RBM20: variants seen among roughly 807,000 people sequenced by gnomAD.
RBM20 encodes the protein RNA-binding protein 20.
A neutral mutation model predicts 110.1 loss-of-function variants in RBM20; 51 were observed. The observed-to-expected ratio is 0.46, with a 90% CI of 0.37 to 0.59. The LOEUF (loss-of-function observed/expected upper bound fraction) is 0.59, where lower values mean the gene tolerates loss of function less well. Among genes scored for constraint, RBM20 ranks in the 20% least tolerant of loss-of-function variants. RBM20 has a pLI of 0.00. For missense variants in RBM20, 1,512 were observed against 1,574.9 expected (o/e 0.96, Z 0.68); for synonymous variants, 589 against 618.2 (o/e 0.95, Z 0.70).
chr10:110,743,686 A>G (rs907679300), intron 1 of RBM20, among the ~76,000 whole-genome samples: 2 of 152,152 alleles, frequency 1.3e-5, no homozygotes, highest in Non-Finnish European at 2.9e-5. Flanking sequence ...GCACAAACTC[A>G]GCTCACTGCA....
intron 1 of RBM20, among the ~76,000 whole-genome samples, chr10:110,733,388 C>T (rs915894077): frequency 6.6e-6 from 1 of 152,284 alleles, no homozygotes; most frequent in Non-Finnish European, 1.5e-5. Flanking sequence ...GGTATAGAGC[C>T]GGGTGTATGG....
intron 1 of RBM20, among the ~76,000 whole-genome samples, chr10:110,708,742 G>A (rs918836406): frequency 6.6e-6 from 1 of 152,192 alleles, no homozygotes; most frequent in African/African-American, 2.4e-5. Flanking sequence ...AAACAATAAA[G>A]AATTTTTTGA....
chr10:110,716,639 C>T (rs147648717), intron 1 of RBM20, among the ~76,000 whole-genome samples: 2,420 of 152,024 alleles, frequency 0.016, 69 homozygotes, highest in African/African-American at 0.056. Flanking sequence ...TATGGCTGGG[C>T]GTGGTGGCTG....
chr10:110,665,915 A>G lies in RBM20; in HGVS notation c.191+21270A>G, dbSNP rs187509086. Among the ~76,000 whole-genome samples the G allele has an allele frequency of 4.6e-5, 7 of 152,108 alleles. No individual in the cohort carries two copies. The East Asian group carries it at 1.4e-3, about 29-fold the overall frequency. ...CAGATCACTTGAATCCAGGGGTTCG[A>G]GACCAGCCTGGACAACATGGTGAAA... On this transcript the variant is annotated intron_variant, in intron 1 of 13. Coordinates refer to ENST00000369519, the MANE Select transcript of RBM20 (RefSeq NM_001134363.3).
At chr10:110,721,912 A>G (rs1419503341) in intron 1 of RBM20, among the ~76,000 whole-genome samples, 1 of 150,856 alleles carries the variant, frequency 6.6e-6, no homozygotes, top group African/African-American at 2.5e-5. Context: ...TGGGTATTAG[A>G]ACAAGGCATA....
At chr10:110,826,583 C>CTTT (rs35918856) in intron 12 of RBM20, among the ~76,000 whole-genome samples, 1 of 140,928 alleles carries the variant, frequency 7.1e-6, no homozygotes, top group Non-Finnish European at 1.5e-5. Flanking sequence ...CATTCTTCTT[C>CTTT]TTTTTTTTTT....
chr10:110,837,943 C>A lies in RBM20; in HGVS notation c.*1965C>A, dbSNP rs971840965. 3 of 151,954 alleles carry A rather than the reference C, an allele frequency of 2.0e-5. No individual in the cohort carries two copies. Among genetic ancestry groups the A allele is most frequent in the Non-Finnish European group, 4.4e-5 (3 of 68,012 alleles). 9.4% of individuals were successfully genotyped at this position (151,954 alleles called of 1,614,324 possible). Reference sequence around the variant, plus strand: ...TTTGGACTGAGCTCCTGCAATAGGCCCAACAGACCAAAACAAAAGGGAGTC... The same window carrying A: ...TTTGGACTGAGCTCCTGCAATAGGCACAACAGACCAAAACAAAAGGGAGTC... On this transcript the variant is annotated 3_prime_UTR_variant, in exon 14 of 14. Coordinates refer to ENST00000369519, the MANE Select transcript of RBM20 (RefSeq NM_001134363.3).
At position 110,739,964 on chromosome 10, in the gene RBM20, C is replaced by A. The variant is rs1285193011; in HGVS notation, c.192-40837C>A. On this transcript the variant is annotated intron_variant, in intron 1 of 13. Coordinates refer to ENST00000369519, the MANE Select transcript of RBM20 (RefSeq NM_001134363.3). The surrounding 1 kb of genome is among the most constrained non-coding windows in gnomAD (Gnocchi z 4.1). ...AGCCCCACTATACTGTCTCCCTCTC[C>A]CTCCTTCTCCAAGTGCCCAGACCTG... 4.6e-5 allele frequency among the ~76,000 whole-genome samples: 7 copies of A among 152,250 alleles called. No individual in the cohort carries two copies. Among genetic ancestry groups the A allele is most frequent in the African/African-American group, 1.7e-4 (7 of 41,472 alleles).
At chr10:110,714,859 C>T (rs1398594759) in intron 1 of RBM20, among the ~76,000 whole-genome samples, 1 of 152,170 alleles carries the variant, frequency 6.6e-6, no homozygotes, top group Non-Finnish European at 1.5e-5. Context: ...TCCTGGTCTT[C>T]AAGTCACTTG....
At chr10:110,706,654 G>C (rs1382919901) in intron 1 of RBM20, among the ~76,000 whole-genome samples, 2 of 152,208 alleles carry the variant, frequency 1.3e-5, no homozygotes, top group Non-Finnish European at 2.9e-5. Flanking sequence ...TTTCAGGACG[G>C]AGTGGTGGGC....
intron 1 of RBM20, among the ~76,000 whole-genome samples, chr10:110,667,834 C>T (rs1369329869): frequency 6.6e-6 from 1 of 152,114 alleles, no homozygotes; most frequent in African/African-American, 2.4e-5. Context: ...TTCCTGGGCC[C>T]CTGGTGTCCT....
intron 1 of RBM20, among the ~76,000 whole-genome samples, chr10:110,708,794 G>A (rs1407967519): frequency 1.3e-5 from 2 of 152,178 alleles, no homozygotes; most frequent in African/African-American, 2.4e-5. Flanking sequence ...TGGTGTTGGG[G>A]CATTGAGGAT....
At chr10:110,813,999 C>T (rs1328768195) in intron 9 of RBM20, among the ~76,000 whole-genome samples, 2 of 152,132 alleles carry the variant, frequency 1.3e-5, no homozygotes, top group Non-Finnish European at 2.9e-5. Flanking sequence ...TCCTTCTTGC[C>T]AGAGCCTTCT....
At chr10:110,721,887 A>T (rs989346886) in intron 1 of RBM20, among the ~76,000 whole-genome samples, 1 of 151,952 alleles carries the variant, frequency 6.6e-6, no homozygotes, top group African/African-American at 2.4e-5. Flanking sequence ...CTCTGGGGGG[A>T]TGCATCCAAG....
At chr10:110,774,329 T>C (rs914447793) in intron 1 of RBM20, among the ~76,000 whole-genome samples, 2 of 152,238 alleles carry the variant, frequency 1.3e-5, no homozygotes, top group African/African-American at 4.8e-5. Flanking sequence ...AATCATCATA[T>C]GGTAATGTCA....
intron 1 of RBM20, among the ~76,000 whole-genome samples, chr10:110,753,960 C>A (rs1315048450): frequency 6.6e-6 from 1 of 152,068 alleles, no homozygotes. Context: ...TCTGACTGCA[C>A]TTAGGGCCCA....
Position 110,797,582 on chromosome 10 carries a change from C to A in RBM20, c.1602C>A (p.Asp534Glu). 6.4e-7 allele frequency: 1 copy of A among 1,551,646 alleles called. No homozygotes were observed. Among genetic ancestry groups the A allele is most frequent in the Non-Finnish European group, 8.7e-7 (1 of 1,146,980 alleles). Residue 534 changes from aspartate to glutamate, a missense_variant, in exon 6 of 14, where the codon GAC (aspartate) becomes GAA (glutamate). By Grantham distance (45) the Asp-to-Glu change is conservative. Transcript: ENST00000369519. ...NLPEGSCTEN[D>E]VINLGLPFGK... ...CTGAAGGAAGCTGCACTGAGAATGACGTCATTAACCTGGGGCTGCCCTTTG... is the reference window on the plus strand; with the variant it reads ...CTGAAGGAAGCTGCACTGAGAATGAAGTCATTAACCTGGGGCTGCCCTTTG...
intron 1 of RBM20, 125 bp from the exon 2 acceptor site, chr10:110,780,676 T>A: frequency 1.8e-6 from 2 of 1,106,676 alleles, no homozygotes; most frequent in Middle Eastern, 2.0e-4. Flanking sequence ...CAGATTCACT[T>A]GTATGTGGGA....
At chr10:110,799,438 T>G (rs1273305447) in intron 6 of RBM20, among the ~76,000 whole-genome samples, 1 of 152,204 alleles carries the variant, frequency 6.6e-6, no homozygotes, top group East Asian at 1.9e-4. Flanking sequence ...GATCTCTTCC[T>G]TGTGCTGACT....
Sources: allele counts gnomAD v4.1 joint callset (sites outside exome capture counted in the v4.1 genomes callset), GRCh38; gene constraint gnomAD v4.1.1; non-coding constraint Gnocchi (gnomAD v3.1); transcripts MANE v1.5; gene names NCBI Gene and HGNC (gene_info 2026-07-23, HGNC 2026-07-21).